C1QTNF5: variants seen among roughly 807,000 people sequenced by gnomAD.
C1QTNF5 encodes C1q and TNF related 5, also known as complement C1q tumor necrosis factor-related protein 5.
A neutral mutation model predicts 10.9 loss-of-function variants in C1QTNF5; 5 were observed. That is an observed-to-expected ratio of 0.46 (90% CI 0.24 to 0.97). The LOEUF (loss-of-function observed/expected upper bound fraction) is 0.97. Ranked by LOEUF, C1QTNF5 falls within the 50% of genes least tolerant of loss-of-function variation. The probability of loss-of-function intolerance (pLI) is 0.19; values close to 1 mark genes in which losing one functional copy is unlikely to be tolerated. For synonymous variants in C1QTNF5, 161 were observed against 156.5 expected (o/e 1.03, Z -0.22); for missense variants, 281 against 339.4 (o/e 0.83, Z 1.35).
chr11:119,340,499 C>A (rs965120899), intron 1 of C1QTNF5, 59 bp from the exon 2 acceptor site: 2 of 1,301,000 alleles, frequency 1.5e-6, no homozygotes, highest in Admixed American at 2.0e-5. Flanking sequence ...CCTCTCTCCC[C>A]ACCCCGGCGC....
upstream of C1QTNF5, chr11:119,345,566 G>A: frequency 6.2e-7 from 1 of 1,614,032 alleles, no homozygotes; most frequent in Non-Finnish European, 8.5e-7. Context: ...GGGTGTTGGG[G>A]GGGTAAGGGT....
At chr11:119,343,761 G>A, upstream of C1QTNF5, 1 of 1,608,758 alleles carries the variant, frequency 6.2e-7, no homozygotes, top group Non-Finnish European at 8.5e-7. Flanking sequence ...ATGGAAGCCG[G>A]GGGTGGCAGA....
upstream of C1QTNF5, chr11:119,342,136 C>G (rs1221766128): frequency 1.1e-6 from 1 of 939,810 alleles, no homozygotes; most frequent in Non-Finnish European, 1.6e-6. Context: ...AGGCTGTACA[C>G]ACTCTGAGGA....
At chr11:119,341,406 A>C, upstream of C1QTNF5, 1 of 685,618 alleles carries the variant, frequency 1.5e-6, no homozygotes, top group South Asian at 1.9e-5. Context: ...GCCCCAGCTG[A>C]GGACTTCTCT....
chr11:119,344,188 C>G (rs535045133), upstream of C1QTNF5: 91 of 1,027,478 alleles, frequency 8.9e-5, no homozygotes, highest in Non-Finnish European at 1.4e-4. Context: ...CCCCATCCCC[C>G]GTCTGCTTGA....
At chr11:119,341,844 C>G (rs769082401), upstream of C1QTNF5, 8 of 1,613,694 alleles carry the variant, frequency 5.0e-6, no homozygotes, top group East Asian at 1.8e-4. Context: ...CTCCTTCCCT[C>G]CACCCAGAAG....
At chr11:119,340,117 G>A (rs1950486090) in intron 2 of C1QTNF5, 67 bp downstream of exon 2, 4 of 1,464,266 alleles carry the variant, frequency 2.7e-6, no homozygotes, top group Non-Finnish European at 3.6e-6. Context: ...CCCGGACACC[G>A]GGAGCTGGAG....
At chr11:119,344,415 T>C, upstream of C1QTNF5, 1 of 1,607,584 alleles carries the variant, frequency 6.2e-7, no homozygotes, top group Non-Finnish European at 8.5e-7. Flanking sequence ...GAAGGGCTCA[T>C]GAGTTTGCTA....
upstream of C1QTNF5, chr11:119,344,390 C>T (rs1332111103): frequency 1.2e-6 from 2 of 1,613,500 alleles, no homozygotes; most frequent in East Asian, 2.2e-5. Context: ...TCCCCCCACA[C>T]CCTGTAGAGA....
At chr11:119,342,601 G>T (rs142248522), upstream of C1QTNF5, 2 of 1,613,186 alleles carry the variant, frequency 1.2e-6, no homozygotes, top group Non-Finnish European at 1.7e-6. Flanking sequence ...CTCACCTGGG[G>T]GTGGGAACAA....
upstream of C1QTNF5, chr11:119,342,087 G>A: frequency 7.0e-7 from 1 of 1,433,408 alleles, no homozygotes; most frequent in South Asian, 1.2e-5. Flanking sequence ...TGGGTCCAAT[G>A]GGGGTGGTTG....
chr11:119,344,340 T>C (rs151160924), upstream of C1QTNF5: 249 of 1,613,748 alleles, frequency 1.5e-4, 1 homozygote, highest in Non-Finnish European at 1.4e-4. Context: ...CTGCTGCAGG[T>C]AGCTGGGAGT....
upstream of C1QTNF5, chr11:119,345,095 A>C: frequency 2.2e-4 from 323 of 1,498,756 alleles, no homozygotes; most frequent in Non-Finnish European, 2.7e-4. Context: ...CTATTTTCTC[A>C]ACCCCCAAAC....
chr11:119,343,770 G>T, upstream of C1QTNF5: 1 of 1,611,930 alleles, frequency 6.2e-7, no homozygotes, highest in South Asian at 1.1e-5. Flanking sequence ...GGGGGTGGCA[G>T]ACAGTGAGGA....
chr11:119,342,147 T>C (rs574461996), upstream of C1QTNF5, among the ~76,000 whole-genome samples: 5 of 152,238 alleles, frequency 3.3e-5, no homozygotes, highest in South Asian at 1.0e-3. Flanking sequence ...ACTCTGAGGA[T>C]CCCTGCCATC....
At chr11:119,345,465 A>G (rs150822576), upstream of C1QTNF5, 7 of 1,613,948 alleles carry the variant, frequency 4.3e-6, no homozygotes, top group African/African-American at 8.0e-5. Context: ...CAAGCGATCA[A>G]AAAGGCAAGA....
chr11:119,343,077 T>C, upstream of C1QTNF5: 1 of 1,535,940 alleles, frequency 6.5e-7, no homozygotes, highest in East Asian at 2.4e-5. Flanking sequence ...CCCACAGGCC[T>C]GGCTCTGAGC....
At chr11:119,341,358 G>T (rs572965784), upstream of C1QTNF5, 285 of 605,546 alleles carry the variant, frequency 4.7e-4, 12 homozygotes, top group South Asian at 5.0e-3. Flanking sequence ...ACCGGTAAAG[G>T]GACAGGAAGG....
the C1QTNF5 span, chr11:119,346,423 G>T: frequency 1.2e-6 from 2 of 1,613,588 alleles, no homozygotes; most frequent in Non-Finnish European, 1.7e-6. Context: ...GACCACTGGT[G>T]CTGGGTCTTA....
Sources: allele counts gnomAD v4.1 joint callset (sites outside exome capture counted in the v4.1 genomes callset), GRCh38; gene constraint gnomAD v4.1.1; transcripts MANE v1.5; gene names NCBI Gene and HGNC (gene_info 2026-07-23, HGNC 2026-07-21).